Variants in CPD observed in about 807,000 individuals in gnomAD.
The protein encoded by CPD is carboxypeptidase D.
In CPD, 69 loss-of-function variants were observed where a neutral mutation model predicts 138.3. The observed-to-expected ratio is 0.50, with a 90% CI of 0.41 to 0.61. CPD has a LOEUF of 0.61. Among genes scored for constraint, CPD ranks in the 20% least tolerant of loss-of-function variants. The probability of loss-of-function intolerance (pLI) is 0.00; values close to 1 mark genes in which losing one functional copy is unlikely to be tolerated. For synonymous variants in CPD, 651 were observed against 642.1 expected, an observed-to-expected ratio of 1.01 and a Z score of -0.21; for missense variants, 1,432 against 1,733.3, an observed-to-expected ratio of 0.83 and a Z score of 3.09.
intron 12 of CPD, among the ~76,000 whole-genome samples, chr17:30,449,129 TATAA>T (rs140528779): frequency 2.1e-4 from 32 of 151,654 alleles, no homozygotes; most frequent in African/African-American, 6.0e-4. Context: ...ATGACAATAA[TATAA>T]ATAAATAAAT....
chr17:30,399,552 G>C (rs1238741891), intron 2 of CPD, among the ~76,000 whole-genome samples: 2 of 152,096 alleles, frequency 1.3e-5, no homozygotes, highest in East Asian at 3.8e-4. Context: ...TTATCGTTAT[G>C]TAATGTCCCT....
intron 2 of CPD, among the ~76,000 whole-genome samples, chr17:30,403,351 G>T (rs1245972344): frequency 6.6e-6 from 1 of 152,144 alleles, no homozygotes; most frequent in Non-Finnish European, 1.5e-5. Flanking sequence ...TTGGTGTGCT[G>T]TTTAAGGTCA....
intron 2 of CPD, among the ~76,000 whole-genome samples, chr17:30,417,641 C>T (rs559734311): frequency 6.6e-6 from 1 of 152,120 alleles, no homozygotes; most frequent in Non-Finnish European, 1.5e-5. Context: ...TGTCTCACAT[C>T]TTTCCCTTCT....
intron 2 of CPD, among the ~76,000 whole-genome samples, chr17:30,405,881 G>A (rs748417898): frequency 9.9e-5 from 15 of 151,802 alleles, no homozygotes; most frequent in Non-Finnish European, 2.1e-4. Context: ...AAATTAATTT[G>A]GGGAAATTTG....
At chr17:30,462,551 T>C in intron 20 of CPD, 82 bp downstream of exon 20, 1 of 903,916 alleles carries the variant, frequency 1.1e-6, no homozygotes, top group Non-Finnish European at 1.8e-6. Context: ...CTCTCTCATA[T>C]TGATCCTGAA....
intron 2 of CPD, among the ~76,000 whole-genome samples, chr17:30,394,302 A>G (rs1461941464): frequency 6.6e-6 from 1 of 152,082 alleles, no homozygotes; most frequent in Non-Finnish European, 1.5e-5. Flanking sequence ...CTCCTCTGCC[A>G]CCGGACTACT....
chr17:30,422,119 C>T (rs1912282320), intron 4 of CPD, among the ~76,000 whole-genome samples: 1 of 151,994 alleles, frequency 6.6e-6, no homozygotes, highest in Admixed American at 6.6e-5. Context: ...TAAAGCTAAC[C>T]GAATACCAGA....
At chr17:30,428,658 G>T (rs779199701) in intron 7 of CPD, among the ~76,000 whole-genome samples, 2 of 151,980 alleles carry the variant, frequency 1.3e-5, no homozygotes, top group African/African-American at 4.8e-5. Context: ...TTTTAGAATA[G>T]GCATATCCAT....
intron 2 of CPD, among the ~76,000 whole-genome samples, chr17:30,417,058 C>T (rs1348038782): frequency 2.0e-5 from 3 of 150,604 alleles, no homozygotes; most frequent in South Asian, 2.1e-4. Context: ...GCCGAGATCG[C>T]GCCACTGCAC....
chr17:30,422,018 A>G (rs1172928926), intron 4 of CPD, among the ~76,000 whole-genome samples, 185 bp downstream of exon 4: 1 of 152,182 alleles, frequency 6.6e-6, no homozygotes, highest in Non-Finnish European at 1.5e-5. Flanking sequence ...ATAGTCTAAT[A>G]GTACAATGGG....
intron 2 of CPD, among the ~76,000 whole-genome samples, chr17:30,412,995 G>A (rs1427941239): frequency 6.6e-6 from 1 of 152,118 alleles, no homozygotes; most frequent in African/African-American, 2.4e-5. Flanking sequence ...GCTGCAGACC[G>A]GAGCTGTTCC....
At chr17:30,421,890 C>A in intron 4 of CPD, 57 bp downstream of exon 4, 3 of 1,342,160 alleles carry the variant, frequency 2.2e-6, no homozygotes, top group Non-Finnish European at 3.2e-6. Flanking sequence ...TGTTTTATAT[C>A]TGAGACAGAA....
intron 17 of CPD, among the ~76,000 whole-genome samples, chr17:30,460,005 G>T (rs940942053): frequency 6.6e-6 from 1 of 152,156 alleles, no homozygotes; most frequent in Admixed American, 6.5e-5. Flanking sequence ...TATACTGCCT[G>T]GCCTATTGTA....
At chr17:30,423,887 A>T (rs1352367340) in intron 6 of CPD, among the ~76,000 whole-genome samples, 190 bp downstream of exon 6, 1 of 152,204 alleles carries the variant, frequency 6.6e-6, no homozygotes, top group Non-Finnish European at 1.5e-5. Context: ...GATCAAATTT[A>T]TATATTTAGT....
At chr17:30,433,377 T>G (rs1912611890) in intron 8 of CPD, among the ~76,000 whole-genome samples, 1 of 152,234 alleles carries the variant, frequency 6.6e-6, no homozygotes, top group African/African-American at 2.4e-5. Context: ...TCATTTTGGC[T>G]TCTAGTTCCT....
Position 30,431,688 on chromosome 17 carries a change from C to G in CPD, c.2018-84C>G, listed in dbSNP as rs939037886. 3 of 872,360 alleles carry G rather than the reference C, an allele frequency of 3.4e-6. No homozygotes were observed. In the Admixed American group the frequency reaches 7.9e-5, roughly 23 times the overall value. The allele number at this position is 872,360 out of a possible 1,614,324, so 54.0% of individuals were successfully genotyped here. A position where few individuals can be genotyped will look rare whatever the true frequency, so the allele number is the denominator to read the frequency against. ...TTGGCAAATTTTATTGTTTTCTCTTCTCTGGCAGTATTCTGAAAAGCTTTA... is the reference window on the plus strand; with the variant it reads ...TTGGCAAATTTTATTGTTTTCTCTTGTCTGGCAGTATTCTGAAAAGCTTTA... On this transcript the variant is annotated intron_variant, in intron 7 of 20. Transcript: ENST00000225719.
At chr17:30,435,816 C>G (rs754703542) in intron 8 of CPD, among the ~76,000 whole-genome samples, 9 of 152,116 alleles carry the variant, frequency 5.9e-5, no homozygotes, top group Non-Finnish European at 1.0e-4. Context: ...GGCCATTCTC[C>G]CTCTGAAACT....
rs80167740 is a variant in CPD at position 30,403,936 on chromosome 17, A to G, written c.995-16905A>G. Among the ~76,000 whole-genome samples the G allele has an allele frequency of 5.3e-4, 81 of 152,168 alleles. 1 individual carries two copies. In the East Asian group the frequency reaches 0.013, roughly 25 times the overall value. On this transcript the variant is annotated intron_variant, in intron 2 of 20. Transcript: ENST00000225719. ...ATTCAATAGAATACTTAGTAATGTAATGGACCATTTATATATGAAGAATAT... is the reference window on the plus strand; with the variant it reads ...ATTCAATAGAATACTTAGTAATGTAGTGGACCATTTATATATGAAGAATAT...
rs200892550 is a variant in CPD at position 30,464,731 on chromosome 17, G to A, written c.4060G>A (p.Gly1354Ser). ...YEDEIRMMST[G>S]SKKSLLSHEF... ...AGATGAAATTCGCATGATGTCTACCGGCTCCAAGAAGTCCCTCCTAAGCCA... is the reference window on the plus strand; with the variant it reads ...AGATGAAATTCGCATGATGTCTACCAGCTCCAAGAAGTCCCTCCTAAGCCA... Residue 1354 changes from glycine to serine, a missense_variant, in exon 21 of 21, where the codon GGC becomes AGC. Physicochemically the swap from Gly to Ser is moderately conservative, Grantham distance 56. Around this residue, in one of 6 missense-constraint regions of CPD, gnomAD observed 366 missense variants for 518.8 expected, o/e 0.71. Coordinates refer to ENST00000225719, the MANE Select transcript of CPD (RefSeq NM_001304.5). The A allele has an allele frequency of 6.3e-5, 102 of 1,613,942 alleles. No homozygotes were observed. Among genetic ancestry groups the A allele is most frequent in the Middle Eastern group, 1.6e-4 (1 of 6,062 alleles).
Sources: gnomAD v4.1 joint callset for allele counts (sites outside exome capture counted in the v4.1 genomes callset) on GRCh38, gnomAD v4.1.1 for gene constraint, gnomAD v4.1.1 regional missense constraint, MANE v1.5 for transcripts, NCBI Gene and HGNC (gene_info 2026-07-23, HGNC 2026-07-21) for gene names.